ARID4B: variants seen among roughly 807,000 people sequenced by gnomAD.
ARID4B encodes the protein AT-rich interaction domain 4B, also known as AT-rich interactive domain-containing protein 4B.
ARID4B carries 26 observed loss-of-function variants against 147.5 expected under a neutral mutation model. The observed-to-expected ratio is 0.18, with a 90% CI of 0.13 to 0.24. The LOEUF (loss-of-function observed/expected upper bound fraction) is 0.24. Ranked by LOEUF, ARID4B falls within the 10% of genes least tolerant of loss-of-function variation. ARID4B has a pLI of 1.00. For missense variants in ARID4B, 1,179 were observed against 1,511.5 expected (o/e 0.78, Z 3.65); for synonymous variants, 512 against 507.9 (o/e 1.01, Z -0.11).
intron 2 of ARID4B, among the ~76,000 whole-genome samples, chr1:235,323,143 C>T (rs1423469669): frequency 2.0e-5 from 3 of 151,310 alleles, no homozygotes; most frequent in Admixed American, 1.3e-4. Flanking sequence ...TAGGTTCAAG[C>T]GATCCTACCT....
intron 17 of ARID4B, among the ~76,000 whole-genome samples, chr1:235,205,649 G>C (rs1666259238): frequency 6.6e-6 from 1 of 152,092 alleles, no homozygotes; most frequent in Non-Finnish European, 1.5e-5. Flanking sequence ...ATAACATCTA[G>C]AATATATGAA....
intron 6 of ARID4B, among the ~76,000 whole-genome samples, chr1:235,249,737 C>G (rs927118141): frequency 6.6e-6 from 1 of 151,420 alleles, no homozygotes; most frequent in Non-Finnish European, 1.5e-5. Context: ...GTCAAGAGAT[C>G]GAGGTCAGCC....
At chr1:235,199,030 C>T (rs190617119) in intron 17 of ARID4B, among the ~76,000 whole-genome samples, 73 of 152,122 alleles carry the variant, frequency 4.8e-4, no homozygotes, top group Admixed American at 2.2e-3. Context: ...ACCCGGGAGG[C>T]GGAGGTTGCA....
chr1:235,321,648 A>C (rs1674846836), intron 2 of ARID4B, among the ~76,000 whole-genome samples: 1 of 151,876 alleles, frequency 6.6e-6, no homozygotes, highest in Non-Finnish European at 1.5e-5. Context: ...CCCGCTACCA[A>C]GCCTGGCTAA....
intron 23 of ARID4B, among the ~76,000 whole-genome samples, chr1:235,171,819 T>C (rs1210924963): frequency 6.6e-6 from 1 of 152,072 alleles, no homozygotes; most frequent in Non-Finnish European, 1.5e-5. Flanking sequence ...TTTTGTATTT[T>C]TTAGTAGAGA....
rs1266016330 is a variant in ARID4B at position 235,283,044 on chromosome 1, G to A, written c.7-22292C>T. 2.0e-5 allele frequency among the ~76,000 whole-genome samples: 3 copies of A among 152,302 alleles called. 1 individual carries two copies. The highest frequency in any genetic ancestry group is 6.8e-3 in the Middle Eastern group (2 of 294). On this transcript the variant is annotated intron_variant, in intron 2 of 23. Transcript: ENST00000264183. Reference sequence around the variant, plus strand: ...ACCTGCCTTGGCCTCCCAAAGTGCTGGGATTACAGGCGTGAGCCACCGCAC... The same window carrying A: ...ACCTGCCTTGGCCTCCCAAAGTGCTAGGATTACAGGCGTGAGCCACCGCAC...
intron 19 of ARID4B, chr1:235,187,045 T>C: frequency 2.6e-6 from 1 of 391,808 alleles, no homozygotes; most frequent in Non-Finnish European, 4.9e-6. Flanking sequence ...TTTCACTGCA[T>C]CTTATTCTTT....
At chr1:235,288,852 G>A (rs12024609) in intron 2 of ARID4B, among the ~76,000 whole-genome samples, 43,838 of 152,110 alleles carry the variant, frequency 0.29, 7,540 homozygotes, top group South Asian at 0.53. Flanking sequence ...GAAAAAAGAA[G>A]ACTCTTAGTT....
chr1:235,177,453 T>G (rs1663967002), intron 21 of ARID4B, among the ~76,000 whole-genome samples: 1 of 152,190 alleles, frequency 6.6e-6, no homozygotes, highest in South Asian at 2.1e-4. Context: ...TGTTTTGTTT[T>G]GTTTGTTTTT....
chr1:235,268,730 C>T (rs1428181403), intron 2 of ARID4B, among the ~76,000 whole-genome samples: 3 of 152,118 alleles, frequency 2.0e-5, no homozygotes, highest in Non-Finnish European at 2.9e-5. Context: ...GTTGGTCAGG[C>T]TGGTCTCAAA....
chr1:235,204,982 C>A (rs929683188), intron 17 of ARID4B, among the ~76,000 whole-genome samples: 2 of 152,112 alleles, frequency 1.3e-5, no homozygotes, highest in African/African-American at 2.4e-5. Flanking sequence ...ACTCAAAAGC[C>A]ACTCTCTTTT....
intron 16 of ARID4B, among the ~76,000 whole-genome samples, chr1:235,217,469 T>C (rs74148668): frequency 1.0e-3 from 143 of 138,742 alleles, no homozygotes; most frequent in African/African-American, 3.8e-3. Flanking sequence ...CACACACATA[T>C]GCATTTAAGC....
At chr1:235,259,291 A>G (rs2103113795) in intron 3 of ARID4B, among the ~76,000 whole-genome samples, 1 of 152,022 alleles carries the variant, frequency 6.6e-6, no homozygotes, top group African/African-American at 2.4e-5. Context: ...AGGATGCAAG[A>G]TGGGGCTTAA....
chr1:235,309,608 G>A (rs1673897393), intron 2 of ARID4B, among the ~76,000 whole-genome samples: 1 of 147,164 alleles, frequency 6.8e-6, no homozygotes. Context: ...GGGCGCCTCT[G>A]CCCGGCCACC....
At chr1:235,253,607 C>G (rs1045481989) in intron 5 of ARID4B, among the ~76,000 whole-genome samples, 1 of 152,066 alleles carries the variant, frequency 6.6e-6, no homozygotes, top group East Asian at 1.9e-4. Flanking sequence ...TCAATTATAT[C>G]TCAATAAAGT....
intron 2 of ARID4B, among the ~76,000 whole-genome samples, chr1:235,270,037 A>G (rs1035940120): frequency 1.3e-5 from 2 of 152,146 alleles, no homozygotes; most frequent in Non-Finnish European, 2.9e-5. Context: ...TAATCCAAGC[A>G]TTTTGGGAGG....
At chr1:235,263,803 C>T (rs903249104) in intron 2 of ARID4B, among the ~76,000 whole-genome samples, 1 of 151,036 alleles carries the variant, frequency 6.6e-6, no homozygotes, top group Admixed American at 6.6e-5. Flanking sequence ...CTGGCTAACA[C>T]GGTGAAACCC....
At chr1:235,268,673 C>T (rs1479654178) in intron 2 of ARID4B, among the ~76,000 whole-genome samples, 1 of 152,120 alleles carries the variant, frequency 6.6e-6, no homozygotes, top group African/African-American at 2.4e-5. Context: ...GGATTACAGG[C>T]GCTCGCCACC....
At chr1:235,323,343 G>A (rs1674982406) in intron 2 of ARID4B, among the ~76,000 whole-genome samples, 1 of 151,718 alleles carries the variant, frequency 6.6e-6, no homozygotes, top group Non-Finnish European at 1.5e-5. Context: ...GCCCGCCAAA[G>A]TATAATCATC....
Sources: gnomAD v4.1 joint callset for allele counts (sites outside exome capture counted in the v4.1 genomes callset) on GRCh38, gnomAD v4.1.1 for gene constraint, MANE v1.5 for transcripts, NCBI Gene and HGNC (gene_info 2026-07-23, HGNC 2026-07-21) for gene names.